The following LHPP variants were observed in gnomAD, a reference collection of about 807,000 sequenced individuals.
LHPP encodes hLHPP.
LHPP carries 24 observed loss-of-function variants against 30.3 expected under a neutral mutation model. The ratio of observed to expected loss-of-function variants is 0.79; its 90% confidence interval spans 0.57 to 1.11. The LOEUF (loss-of-function observed/expected upper bound fraction) is 1.11, where lower values mean the gene tolerates loss of function less well. Among genes scored for constraint, LHPP ranks in the 50% most tolerant of loss-of-function variants. LHPP has a pLI of 0.00. For synonymous variants in LHPP, 150 were observed against 157.1 expected (o/e 0.95, Z 0.34); for missense variants, 356 against 367.2 (o/e 0.97, Z 0.25).
chr10:124,597,590 G>A (rs780417880), intron 6 of LHPP, among the ~76,000 whole-genome samples: 4 of 152,180 alleles, frequency 2.6e-5, no homozygotes, highest in African/African-American at 9.6e-5. Context: ...GGGAGGACTG[G>A]TGCCGCCTCC....
chr10:124,561,672 G>A (rs1188165128), intron 6 of LHPP, among the ~76,000 whole-genome samples: 1 of 151,574 alleles, frequency 6.6e-6, no homozygotes, highest in Non-Finnish European at 1.5e-5. Flanking sequence ...GGCCAAGTGG[G>A]GAACCTGGAC....
intron 5 of LHPP, among the ~76,000 whole-genome samples, chr10:124,503,666 TCTTTTC>T (rs1055428441): frequency 1.3e-5 from 2 of 151,920 alleles, no homozygotes; most frequent in African/African-American, 4.9e-5. Flanking sequence ...AAGTCCAACT[TCTTTTC>T]CTTCTATTTT....
intron 6 of LHPP, among the ~76,000 whole-genome samples, chr10:124,606,199 A>G (rs2134016808): frequency 6.6e-6 from 1 of 152,158 alleles, no homozygotes; most frequent in South Asian, 2.1e-4. Flanking sequence ...CCCACCTCCC[A>G]GCCAGGCCCC....
intron 1 of LHPP, among the ~76,000 whole-genome samples, chr10:124,463,591 G>A (rs952812358): frequency 1.1e-4 from 16 of 152,042 alleles, no homozygotes; most frequent in African/African-American, 3.6e-4. Flanking sequence ...TCGAACTCCT[G>A]ACCTCAACTG....
At position 124,608,877 on chromosome 10, in the gene LHPP, C is replaced by T. The variant is rs565089251; in HGVS notation, c.717-4387C>T. Among the ~76,000 whole-genome samples, 4 of 152,240 alleles carry T rather than the reference C, an allele frequency of 2.6e-5. No homozygotes were observed. The East Asian group carries it at 7.7e-4, about 29-fold the overall frequency. On this transcript the variant is annotated intron_variant, in intron 6 of 6. Coordinates refer to ENST00000368842, the MANE Select transcript of LHPP (RefSeq NM_022126.4). Reference sequence around the variant, plus strand: ...GCCCACCTTTCATTCTGTACCAGGGCAGGGTGTGTCTGCACAGCCTGGAGC... The same window carrying T: ...GCCCACCTTTCATTCTGTACCAGGGTAGGGTGTGTCTGCACAGCCTGGAGC...
chr10:124,515,746 T>C (rs898581945), intron 5 of LHPP, among the ~76,000 whole-genome samples: 1 of 152,240 alleles, frequency 6.6e-6, no homozygotes, highest in African/African-American at 2.4e-5. Flanking sequence ...GCTTCTGAGA[T>C]CGCACTCAAT....
At position 124,496,756 on chromosome 10, in the gene LHPP, G is replaced by A. The variant is rs41307540; in HGVS notation, c.468-205G>A. The stretch of plus-strand genomic sequence containing the variant: ...CCTGGAGCTGCTGGCTGCTGCGCTC[G>A]CCCCACTGGGTGTGGCGGCCTGCCG... On this transcript the variant is annotated intron_variant, in intron 3 of 6. Transcript: ENST00000368842. The surrounding 1 kb of genome is among the most constrained non-coding windows in gnomAD (Gnocchi z 4.3). 0.12 allele frequency among the ~76,000 whole-genome samples: 18,007 copies of A among 152,238 alleles called. 1,507 individuals carry two copies. Among genetic ancestry groups the A allele is most frequent in the Non-Finnish European group, 0.16 (11,051 of 67,976 alleles).
intron 6 of LHPP, among the ~76,000 whole-genome samples, chr10:124,570,049 G>A (rs1043882312): frequency 1.3e-5 from 2 of 152,158 alleles, no homozygotes; most frequent in African/African-American, 4.8e-5. Flanking sequence ...GGTGAGGAGG[G>A]CCTTCTACTG....
chr10:124,481,373 C>CCTTT (rs780510243), intron 1 of LHPP, among the ~76,000 whole-genome samples: 26 of 85,036 alleles, frequency 3.1e-4, no homozygotes, highest in Non-Finnish European at 5.1e-4. Context: ...TATCTGCCCC[C>CCTTT]TTTTTTTTTT....
intron 1 of LHPP, 40 bp from the exon 2 acceptor site, chr10:124,484,099 C>A: frequency 1.3e-6 from 2 of 1,597,486 alleles, no homozygotes; most frequent in South Asian, 2.2e-5. Flanking sequence ...CCCAACACTC[C>A]ACGTGCTGAC....
intron 5 of LHPP, among the ~76,000 whole-genome samples, chr10:124,504,325 C>G (rs1953997544): frequency 6.6e-6 from 1 of 151,574 alleles, no homozygotes; most frequent in South Asian, 2.1e-4. Flanking sequence ...GGTGCCATGG[C>G]TCACGCCTGA....
Position 124,533,556 on chromosome 10 carries a change from C to T in LHPP, c.716+16285C>T, listed in dbSNP as rs1415833958. On this transcript the variant is annotated intron_variant, in intron 6 of 6. Transcript: ENST00000368842. ...AGAAGGATAGGCGCTTGATTGGAAA[C>T]GTTGACTTTTCATTTAAATAAGTAA... Among the ~76,000 whole-genome samples the T allele has an allele frequency of 4.6e-5, 7 of 152,228 alleles. No individual in the cohort carries two copies. The South Asian group carries it at 1.2e-3, about 27-fold the overall frequency.
At chr10:124,470,681 C>CAATAAT (rs71026092) in intron 1 of LHPP, among the ~76,000 whole-genome samples, 45 of 150,886 alleles carry the variant, frequency 3.0e-4, no homozygotes, top group East Asian at 7.8e-4. Flanking sequence ...ACAACAACAA[C>CAATAAT]AATAATAATA....
chr10:124,554,921 T>C (rs1948268455), intron 6 of LHPP, among the ~76,000 whole-genome samples: 1 of 152,254 alleles, frequency 6.6e-6, no homozygotes, highest in Non-Finnish European at 1.5e-5. Flanking sequence ...ATTGAGCACC[T>C]GCTGTGTGCT....
chr10:124,463,660 G>T (rs1952469079), intron 1 of LHPP, among the ~76,000 whole-genome samples: 2 of 148,944 alleles, frequency 1.3e-5, no homozygotes, highest in African/African-American at 4.9e-5. Flanking sequence ...ACCGCACCTG[G>T]CTGACACTTT....
At chr10:124,524,645 G>C (rs1954688171) in intron 6 of LHPP, among the ~76,000 whole-genome samples, 2 of 152,070 alleles carry the variant, frequency 1.3e-5, no homozygotes, top group Non-Finnish European at 2.9e-5. Flanking sequence ...ACCAGCCTGG[G>C]CAACATAGCG....
At chr10:124,534,748 G>A (rs959522097) in intron 6 of LHPP, among the ~76,000 whole-genome samples, 2 of 152,220 alleles carry the variant, frequency 1.3e-5, no homozygotes, top group Non-Finnish European at 2.9e-5. Context: ...GCCCTGCTGC[G>A]GCGAGGGGGG....
intron 6 of LHPP, among the ~76,000 whole-genome samples, chr10:124,551,863 G>A (rs1418787357): frequency 4.6e-5 from 7 of 152,056 alleles, no homozygotes; most frequent in Non-Finnish European, 1.0e-4. Context: ...TCACCACGGA[G>A]GCGCACGCAG....
chr10:124,608,997 C>G (rs1949130737), intron 6 of LHPP, among the ~76,000 whole-genome samples: 1 of 152,204 alleles, frequency 6.6e-6, no homozygotes, highest in African/African-American at 2.4e-5. Flanking sequence ...AGTGGAAGCA[C>G]TGGCTTCCCA....
Sources: gnomAD v4.1 joint callset for allele counts (sites outside exome capture counted in the v4.1 genomes callset) on GRCh38, gnomAD v4.1.1 for gene constraint, Gnocchi (gnomAD v3.1) non-coding constraint, MANE v1.5 for transcripts, NCBI Gene and HGNC (gene_info 2026-07-23, HGNC 2026-07-21) for gene names.